Variants in KNL1 observed in about 807,000 individuals in gnomAD.
The protein encoded by KNL1 is outer kinetochore KNL1 complex subunit KNL1.
KNL1 carries 66 observed loss-of-function variants against 201.3 expected under a neutral mutation model. The ratio of observed to expected loss-of-function variants is 0.33; its 90% CI spans 0.27 to 0.40. The LOEUF (loss-of-function observed/expected upper bound fraction) is 0.40. KNL1 is among the 10% of genes least tolerant of loss of function. KNL1 has a pLI of 1.00. For missense variants in KNL1, 2,815 were observed against 2,690.5 expected (o/e 1.05, Z -1.02); for synonymous variants, 895 against 899.2 (o/e 1.00, Z 0.08).
At chr15:40,607,161 AAGTGTGGGTATTAT>A (rs1475790729) in intron 4 of KNL1, among the ~76,000 whole-genome samples, 1 of 152,230 alleles carries the variant, frequency 6.6e-6, no homozygotes, top group African/African-American at 2.4e-5. Flanking sequence ...GGGCCTCCCA[AAGTGTGGGTATTAT>A]AGGCATGAGC....
At chr15:40,649,298 G>A (rs1237502067) in intron 17 of KNL1, among the ~76,000 whole-genome samples, 3 of 151,638 alleles carry the variant, frequency 2.0e-5, no homozygotes, top group Non-Finnish European at 4.4e-5. Context: ...TTTTTATGCA[G>A]TTCTGCCACT....
intron 4 of KNL1, among the ~76,000 whole-genome samples, chr15:40,606,761 C>T (rs932776183): frequency 1.3e-5 from 2 of 151,970 alleles, no homozygotes; most frequent in Non-Finnish European, 2.9e-5. Context: ...TCATACTTAG[C>T]TATTTATTTA....
intron 21 of KNL1, among the ~76,000 whole-genome samples, chr15:40,652,967 A>G (rs1425468639): frequency 2.6e-5 from 4 of 152,116 alleles, no homozygotes. Context: ...CAGCGTCAAC[A>G]TGGCCAACCA....
At chr15:40,653,888 C>G (rs957857411) in intron 21 of KNL1, among the ~76,000 whole-genome samples, 3 of 152,124 alleles carry the variant, frequency 2.0e-5, no homozygotes, top group Non-Finnish European at 4.4e-5. Context: ...CCCCACTTCA[C>G]TAATGAACTC....
At position 40,628,653 on chromosome 15, in the gene KNL1, C is replaced by T; in HGVS notation, c.5558C>T (p.Thr1853Ile). ...SQMESQFLRD[T>I]ICEESLREKL... ...ATGGAATCACAGTTTCTCAGAGATACTATTTGTGAAGAGAGCTTGAGGGAG... is the reference window on the plus strand; with the variant it reads ...ATGGAATCACAGTTTCTCAGAGATATTATTTGTGAAGAGAGCTTGAGGGAG... The change falls in exon 12 of 26, where the codon ACT becomes ATT. Residue 1853 changes from threonine (T) to isoleucine (I), a missense_variant. Physicochemically the swap from Thr to Ile is moderately conservative, Grantham distance 89. Coordinates refer to ENST00000399668, the MANE Select transcript of KNL1 (RefSeq NM_144508.5). 6.2e-7 allele frequency: 1 copy of T among 1,601,160 alleles called. No homozygotes were observed. Among genetic ancestry groups the T allele is most frequent in the Non-Finnish European group, 8.5e-7 (1 of 1,172,218 alleles).
intron 1 of KNL1, among the ~76,000 whole-genome samples, chr15:40,596,993 T>G (rs563685931): frequency 1.3e-5 from 1 of 79,346 alleles, no homozygotes; most frequent in Non-Finnish European, 2.4e-5. Context: ...AGAGTGAAAC[T>G]CCATCTCAAA....
intron 5 of KNL1, among the ~76,000 whole-genome samples, chr15:40,610,032 CT>C (rs1892103020): frequency 6.6e-6 from 1 of 152,216 alleles, no homozygotes; most frequent in Admixed American, 6.5e-5. Flanking sequence ...AAGCGAGACC[CT>C]GTTTAAAATC....
chr15:40,641,749 C>T (rs753319369), intron 14 of KNL1, among the ~76,000 whole-genome samples: 7 of 152,204 alleles, frequency 4.6e-5, no homozygotes, highest in Non-Finnish European at 1.0e-4. Context: ...TGGTCCCAAG[C>T]ATTTCAGATA....
rs1459469053 is a variant in KNL1, at chr15:40,644,977, T to C, written c.5799-20T>C. The C allele has an allele frequency of 1.9e-6, 3 of 1,548,348 alleles. No homozygotes were observed. The highest frequency in any genetic ancestry group is 2.7e-6 in the Non-Finnish European group (3 of 1,123,496). On this transcript the variant is annotated intron_variant, in intron 14 of 25. Transcript: ENST00000399668. ...CTCTTTCTTTTCCCTACAGTGCTAA[T>C]TAACTTTTCCGTATTTTAGATTAAA... is the stretch of plus-strand genomic sequence containing the variant.
rs922347772 is a variant in KNL1 at position 40,651,592 on chromosome 15, ATTTG to A, written c.6314+26_6314+29del. ...GTTGAGGTAAGGAAATGCAGGCATC[ATTTG>A]TTTGTGTTTTATTCTGTACCTTGTG... On this transcript the variant is annotated intron_variant, in intron 20 of 25. Transcript: ENST00000399668. The A allele has an allele frequency of 5.9e-6, 9 of 1,527,570 alleles. No homozygotes were observed. In the African/African-American group the frequency reaches 8.3e-5, roughly 14 times the overall value. The allele number at this position is 1,527,570 out of a possible 1,614,324, so 94.6% of individuals were successfully genotyped here.
rs755502013 is a variant in KNL1, at chr15:40,624,134, T to C, written c.3870T>C (p.Ser1290=). The part of the protein sequence containing the change: ...RDRRNVDFTS[S]HATAVCGSSD... ...GAAGAAATGTGGACTTTACAAGTAG[T>C]CATGCAACTGCTGTTTGTGGATCCA... The change falls in exon 10 of 26, where the codon AGT becomes AGC. Residue 1290 remains serine (S), a synonymous_variant. Transcript: ENST00000399668. The C allele has an allele frequency of 1.2e-6, 2 of 1,614,044 alleles. No homozygotes were observed. Among genetic ancestry groups the C allele is most frequent in the South Asian group, 2.2e-5 (2 of 91,080 alleles).
In KNL1 at chr15:40,621,253, T is replaced by C. The variant is rs1347805358; in HGVS notation, c.989T>C (p.Leu330Ser). 6.2e-7 allele frequency: 1 copy of C among 1,613,820 alleles called. No individual in the cohort carries two copies. The highest frequency in any genetic ancestry group is 8.5e-7 in the Non-Finnish European group (1 of 1,179,874). Reference sequence around the variant, plus strand: ...ACATTTAACCACACTTTGCAGATCTTACCTGCAACAGGTAATTTTTCTGAA... The same window carrying C: ...ACATTTAACCACACTTTGCAGATCTCACCTGCAACAGGTAATTTTTCTGAA... ...DLTFNHTLQI[L>S]PATGNFSEIE... The change falls in exon 10 of 26, where the codon TTA (leucine) becomes TCA (serine). Residue 330 changes from leucine to serine, a missense_variant. Transcript: ENST00000399668.
Position 40,623,120 on chromosome 15 carries a change from A to G in KNL1, c.2856A>G (p.Leu952=). The G allele has an allele frequency of 1.2e-6, 2 of 1,613,916 alleles. No individual in the cohort carries two copies. The highest frequency in any genetic ancestry group is 1.7e-6 in the Non-Finnish European group (2 of 1,179,862). The change falls in exon 10 of 26, where the codon CTA becomes CTG. Residue 952 remains leucine (L), a synonymous_variant. Transcript: ENST00000399668. ...TVVFVDNHVE[L]EMTESHTVFI... ...TGTTTGTAGATAATCATGTTGAACT[A>G]GAAATGACAGAGTCCCATACTGTTT...
At chr15:40,655,777 G>T (rs577606109) in intron 22 of KNL1, among the ~76,000 whole-genome samples, 1 of 151,580 alleles carries the variant, frequency 6.6e-6, no homozygotes, top group African/African-American at 2.4e-5. Context: ...TTAGCCGGGC[G>T]TGGTGGCTGG....
At chr15:40,609,299 C>T (rs1192930903) in intron 5 of KNL1, among the ~76,000 whole-genome samples, 1 of 151,630 alleles carries the variant, frequency 6.6e-6, no homozygotes, top group Admixed American at 6.6e-5. Flanking sequence ...CCTGTAGTCC[C>T]AGATACTTAG....
chr15:40,600,008 A>G (rs181633519), intron 1 of KNL1, among the ~76,000 whole-genome samples: 82 of 148,790 alleles, frequency 5.5e-4, no homozygotes, highest in Middle Eastern at 7.1e-3. Flanking sequence ...TAAAACCAAC[A>G]TGACCGTGAT....
intron 4 of KNL1, among the ~76,000 whole-genome samples, chr15:40,607,801 T>C (rs375321589): frequency 6.6e-6 from 1 of 151,834 alleles, no homozygotes; most frequent in African/African-American, 2.4e-5. Context: ...CAATAACAAG[T>C]GTTGATGAGG....
In KNL1 at chr15:40,651,558, A is replaced by G. The variant is rs755628248; in HGVS notation, c.6300A>G (p.Leu2100=). Reference sequence around the variant, plus strand: ...AACAAAGAAATAGAACTGAAGAGCTACTGGATCAGTTGAGGTAAGGAAATG... The same window carrying G: ...AACAAAGAAATAGAACTGAAGAGCTGCTGGATCAGTTGAGGTAAGGAAATG... The part of the protein sequence containing the change: ...MQKQRNRTEE[L]LDQLSLSEWD... Residue 2100 remains leucine, a synonymous_variant, in exon 20 of 26, where the codon CTA becomes CTG. Coordinates refer to ENST00000399668, the MANE Select transcript of KNL1 (RefSeq NM_144508.5). The G allele has an allele frequency of 2.5e-6, 4 of 1,607,326 alleles. No individual in the cohort carries two copies. Among genetic ancestry groups the G allele is most frequent in the Non-Finnish European group, 1.7e-6 (2 of 1,177,292 alleles).
rs1375369061 is a variant in KNL1 at position 40,654,916 on chromosome 15, C to T, written c.6423C>T (p.Phe2141=). The T allele has an allele frequency of 1.9e-6, 3 of 1,611,632 alleles. No homozygotes were observed. The highest frequency in any genetic ancestry group is 2.5e-6 in the Non-Finnish European group (3 of 1,178,812). The change falls in exon 22 of 26, where the codon TTC becomes TTT. Residue 2141 remains phenylalanine (F), a synonymous_variant. Coordinates refer to ENST00000399668, the MANE Select transcript of KNL1 (RefSeq NM_144508.5). ...TITFEESVVG[F]PFLDKRYRKI... ...TATTCTGGTTCTTTCTAGTTGGTTT[C>T]CCTTTCCTGGACAAGCGTTATAGGA...
Sources: allele counts gnomAD v4.1 joint callset (sites outside exome capture counted in the v4.1 genomes callset), GRCh38; gene constraint gnomAD v4.1.1; transcripts MANE v1.5; gene names NCBI Gene and HGNC (gene_info 2026-07-23, HGNC 2026-07-21).